FOXK1: variants seen among roughly 807,000 people sequenced by gnomAD.
The protein encoded by FOXK1 is forkhead box K1.
FOXK1 carries 19 observed loss-of-function variants against 51.9 expected under a neutral mutation model. The observed-to-expected ratio is 0.37, with a 90% CI of 0.26 to 0.54. FOXK1 has a LOEUF of 0.54. Among genes scored for constraint, FOXK1 ranks in the 20% least tolerant of loss-of-function variants. FOXK1 has a pLI of 0.87. For synonymous variants in FOXK1, 537 were observed against 482.6 expected (o/e 1.11, Z -1.48); for missense variants, 870 against 1,032.7 (o/e 0.84, Z 2.16).
At chr7:4,751,197 T>C (rs1240776512) in intron 2 of FOXK1, among the ~76,000 whole-genome samples, 2 of 151,648 alleles carry the variant, frequency 1.3e-5, no homozygotes, top group African/African-American at 4.8e-5. Flanking sequence ...TGTATTTTTT[T>C]TTTAGTAGAG....
At position 4,715,183 on chromosome 7, in the gene FOXK1, A is replaced by G. The variant is rs1780218968; in HGVS notation, c.561-25655A>G. ...TGGTGGAACTGTGACGATACGGGGCACGGTGGAACTGTGGCGATACGGGGC... is the reference window on the plus strand; with the variant it reads ...TGGTGGAACTGTGACGATACGGGGCGCGGTGGAACTGTGGCGATACGGGGC... On this transcript the variant is annotated intron_variant, in intron 1 of 8. Coordinates refer to ENST00000328914, the MANE Select transcript of FOXK1 (RefSeq NM_001037165.2). This position sits in a 1 kb window ranked among gnomAD's most constrained non-coding sequence, Gnocchi z 4.5. Among the ~76,000 whole-genome samples the G allele has an allele frequency of 6.6e-6, 1 of 151,894 alleles. No individual in the cohort carries two copies. Among genetic ancestry groups the G allele is most frequent in the Admixed American group, 6.6e-5 (1 of 15,242 alleles).
At position 4,755,257 on chromosome 7, in the gene FOXK1, C is replaced by A; in HGVS notation, c.924C>A (p.Phe308Leu). The A allele has an allele frequency of 6.2e-7, 1 of 1,614,000 alleles. No individual in the cohort carries two copies. Among genetic ancestry groups the A allele is most frequent in the Non-Finnish European group, 8.5e-7 (1 of 1,180,030 alleles). Residue 308 changes from phenylalanine (F) to leucine (L), a missense_variant, in exon 4 of 9, where the codon TTC becomes TTA. Phe to Leu is a conservative substitution (Grantham distance 22, BLOSUM62 0). Around this residue, in one of 3 missense-constraint regions of FOXK1, gnomAD observed 399 missense variants for 475.6 expected, o/e 0.84. Transcript: ENST00000328914. This position sits in a 1 kb window ranked among gnomAD's most constrained non-coding sequence, Gnocchi z 6.6. The part of the protein sequence containing the change: ...DSPKDESKPP[F>L]SYAQLIVQAI... ...CGCAGGATGAGTCAAAGCCGCCGTT[C>A]TCCTACGCGCAGCTGATCGTGCAGG...
chr7:4,717,707 T>C (rs1424172502), intron 1 of FOXK1, among the ~76,000 whole-genome samples: 1 of 152,164 alleles, frequency 6.6e-6, no homozygotes, highest in African/African-American at 2.4e-5. Context: ...CCTCCTTGTC[T>C]CTCTGAGCAT....
rs1177356245 is a variant in FOXK1, at chr7:4,767,777, T to C, written c.*5313T>C. ...CATCACATACTTACTGTTTTTTTGG[T>C]TGGGTTTTGATACGAAAAGCTGCTA... On this transcript the variant is annotated 3_prime_UTR_variant, in exon 9 of 9. Transcript: ENST00000328914. The surrounding 1 kb of genome is among the most constrained non-coding windows in gnomAD (Gnocchi z 6.6). 6.6e-6 allele frequency: 1 copy of C among 152,194 alleles called. No homozygotes were observed. Among genetic ancestry groups the C allele is most frequent in the Admixed American group, 6.5e-5 (1 of 15,276 alleles). The allele number at this position is 152,194 out of a possible 1,614,324, so 9.4% of individuals were successfully genotyped here.
Position 4,759,542 on chromosome 7 carries a change from G to C in FOXK1, c.1643G>C (p.Gly548Ala). Residue 548 changes from glycine (G) to alanine (A), a missense_variant, in exon 7 of 9, where the codon GGC becomes GCC. Gly to Ala is a moderately conservative substitution (Grantham distance 60). Transcript: ENST00000328914. ...YILTSQGAAG[G>A]SHDAAGAAVL... Reference sequence around the variant, plus strand: ...CTCACCAGCCAGGGCGCGGCGGGGGGCTCCCATGATGCGGCGGGCGCAGCC... The same window carrying C: ...CTCACCAGCCAGGGCGCGGCGGGGGCCTCCCATGATGCGGCGGGCGCAGCC... 2 of 1,555,948 alleles carry C rather than the reference G, an allele frequency of 1.3e-6. No individual in the cohort carries two copies. The highest frequency in any genetic ancestry group is 1.7e-6 in the Non-Finnish European group (2 of 1,157,020).
chr7:4,740,156 C>T (rs1319453064), intron 1 of FOXK1, among the ~76,000 whole-genome samples: 2 of 152,094 alleles, frequency 1.3e-5, no homozygotes, highest in South Asian at 2.1e-4. Context: ...ATTGGCCAGG[C>T]GCGGTGGCTC....
rs1371926947 is a variant in FOXK1, at chr7:4,753,874, G to A, written c.747-585G>A. On this transcript the variant is annotated intron_variant, in intron 2 of 8. Coordinates refer to ENST00000328914, the MANE Select transcript of FOXK1 (RefSeq NM_001037165.2). The surrounding 1 kb of genome is among the most constrained non-coding windows in gnomAD (Gnocchi z 4.9). ...CCAGCCTGGGAGGGAGAGGGGATGA[G>A]GGCAGGGGCATCTCAGCGGCTCAGG... Among the ~76,000 whole-genome samples the A allele has an allele frequency of 1.3e-5, 2 of 152,154 alleles. No individual in the cohort carries two copies. The highest frequency in any genetic ancestry group is 2.9e-5 in the Non-Finnish European group (2 of 68,036).
At chr7:4,739,479 T>C (rs1467203833) in intron 1 of FOXK1, among the ~76,000 whole-genome samples, 1 of 152,196 alleles carries the variant, frequency 6.6e-6, no homozygotes, top group Non-Finnish European at 1.5e-5. Context: ...GCCTCATCAG[T>C]TTAGAAATTG....
intron 1 of FOXK1, among the ~76,000 whole-genome samples, chr7:4,739,052 A>C (rs564105441): frequency 6.6e-6 from 1 of 152,292 alleles, no homozygotes; most frequent in African/African-American, 2.4e-5. Flanking sequence ...GACGAAGAGC[A>C]AAGGGACTTT....
Position 4,733,716 on chromosome 7 carries a change from A to T in FOXK1, c.561-7122A>T, listed in dbSNP as rs1424343390. Among the ~76,000 whole-genome samples, 3 of 152,240 alleles carry T rather than the reference A, an allele frequency of 2.0e-5. No individual in the cohort carries two copies. The highest frequency in any genetic ancestry group is 4.4e-5 in the Non-Finnish European group (3 of 68,040). The stretch of plus-strand genomic sequence containing the variant: ...CACATGGGAACTGCATCCTGCAGGT[A>T]TCGCTCGTGAAAACCGGCCTGGCGT... On this transcript the variant is annotated intron_variant, in intron 1 of 8. Transcript: ENST00000328914. This position sits in a 1 kb window ranked among gnomAD's most constrained non-coding sequence, Gnocchi z 5.0.
At position 4,763,770 on chromosome 7, in the gene FOXK1, G is replaced by A. The variant is rs1780970137; in HGVS notation, c.*1306G>A. On this transcript the variant is annotated 3_prime_UTR_variant, in exon 9 of 9. Transcript: ENST00000328914. Reference sequence around the variant, plus strand: ...CACCAAGCAGCGTTGAGCCAGAGCTGTCTAATGCTGAGCCCAGCTCAGGAA... The same window carrying A: ...CACCAAGCAGCGTTGAGCCAGAGCTATCTAATGCTGAGCCCAGCTCAGGAA... 1 of 152,324 alleles carries A rather than the reference G, an allele frequency of 6.6e-6. No individual in the cohort carries two copies. The allele number at this position is 152,324 out of a possible 1,614,324, so 9.4% of individuals were successfully genotyped here.
At position 4,761,906 on chromosome 7, in the gene FOXK1, G is replaced by A. The variant is rs1780937464; in HGVS notation, c.1922-278G>A. On this transcript the variant is annotated intron_variant, in intron 8 of 8. Coordinates refer to ENST00000328914, the MANE Select transcript of FOXK1 (RefSeq NM_001037165.2). The surrounding 1 kb of genome is among the most constrained non-coding windows in gnomAD (Gnocchi z 6.2). ...GGGTGGCTCAGGGCAGTGCATCTGTGTAAAGGAGTGAGGCAAGCCGTCGAT... is the reference window on the plus strand; with the variant it reads ...GGGTGGCTCAGGGCAGTGCATCTGTATAAAGGAGTGAGGCAAGCCGTCGAT... Among the ~76,000 whole-genome samples, 1 of 152,026 alleles carries A rather than the reference G, an allele frequency of 6.6e-6. No homozygotes were observed. Among genetic ancestry groups the A allele is most frequent in the East Asian group, 1.9e-4 (1 of 5,166 alleles).
rs754742171 is a variant in FOXK1, at chr7:4,692,980, C to T, written c.560+10112C>T. ...TCTCAAACTCCTGGCCTTAAGTCATCCTCTGCTATAATATCCTTAAGTCAT... is the reference window on the plus strand; with the variant it reads ...TCTCAAACTCCTGGCCTTAAGTCATTCTCTGCTATAATATCCTTAAGTCAT... On this transcript the variant is annotated intron_variant, in intron 1 of 8. Transcript: ENST00000328914. Among the ~76,000 whole-genome samples, 30 of 151,864 alleles carry T rather than the reference C, an allele frequency of 2.0e-4. 1 individual carries two copies. Among genetic ancestry groups the T allele is most frequent in the Non-Finnish European group, 1.2e-4 (8 of 67,934 alleles).
chr7:4,705,051 C>A (rs1036646614), intron 1 of FOXK1, among the ~76,000 whole-genome samples: 2 of 151,804 alleles, frequency 1.3e-5, no homozygotes, highest in African/African-American at 4.8e-5. Flanking sequence ...AGGCTGGTCT[C>A]GAACTCCTGA....
At chr7:4,738,129 A>AG (rs1420033350) in intron 1 of FOXK1, among the ~76,000 whole-genome samples, 5 of 146,094 alleles carry the variant, frequency 3.4e-5, no homozygotes, top group African/African-American at 1.0e-4. Flanking sequence ...CCTCAAAAAG[A>AG]GAAAAAAAAA....
chr7:4,746,213 CTT>C (rs1441982004), intron 2 of FOXK1, among the ~76,000 whole-genome samples: 1 of 152,232 alleles, frequency 6.6e-6, no homozygotes, highest in African/African-American at 2.4e-5. Flanking sequence ...ACTTCAAAAT[CTT>C]TCCCTTTTAA....
intron 1 of FOXK1, among the ~76,000 whole-genome samples, chr7:4,727,848 G>T (rs1780400383): frequency 6.6e-6 from 1 of 152,234 alleles, no homozygotes; most frequent in Non-Finnish European, 1.5e-5. Context: ...GGCCATGCCT[G>T]AACCTCTCCT....
chr7:4,696,532 G>T lies in FOXK1; in HGVS notation c.560+13664G>T, dbSNP rs145748831. On this transcript the variant is annotated intron_variant, in intron 1 of 8. Transcript: ENST00000328914. ...CGTCCTTTGAGCTCGTGGGACTTGC[G>T]GGGTGGTCATTAAGCGTTGGTGTGA... Among the ~76,000 whole-genome samples, 677 of 152,258 alleles carry T rather than the reference G, an allele frequency of 4.4e-3. 9 individuals are homozygous for T. The highest frequency in any genetic ancestry group is 0.016 in the African/African-American group (653 of 41,548).
At position 4,770,867 on chromosome 7, in the gene FOXK1, GTGT is replaced by G. The variant is rs1361419709; in HGVS notation, c.*8404_*8406del. The G allele has an allele frequency of 3.9e-4, 13 of 33,492 alleles. No homozygotes were observed. Among genetic ancestry groups the G allele is most frequent in the South Asian group, 1.3e-3 (1 of 760 alleles). The allele number at this position is 33,492 out of a possible 1,614,324, so 2.1% of individuals were successfully genotyped here. On this transcript the variant is annotated 3_prime_UTR_variant, in exon 9 of 9. Transcript: ENST00000328914. Reference sequence around the variant, plus strand: ...TTGGGAGGGGCGGGTGTTGTTCGGTGTGTGTGTGTGTGTGTGTGTGTGTGTGTG... The same window carrying G: ...TTGGGAGGGGCGGGTGTTGTTCGGTGGTGTGTGTGTGTGTGTGTGTGTGTG...
Sources: allele counts gnomAD v4.1 joint callset (sites outside exome capture counted in the v4.1 genomes callset), GRCh38; gene constraint gnomAD v4.1.1; regional missense constraint gnomAD v4.1.1; non-coding constraint Gnocchi (gnomAD v3.1); transcripts MANE v1.5; gene names NCBI Gene and HGNC (gene_info 2026-07-23, HGNC 2026-07-21).